Variants in GTPBP6 observed in about 807,000 individuals in gnomAD.
The protein encoded by GTPBP6 is putative GTP-binding protein 6.
In GTPBP6, 33 loss-of-function variants were observed where a neutral mutation model predicts 28.9. The ratio of observed to expected loss-of-function variants is 1.14; its 90% confidence interval spans 0.87 to 1.53. The LOEUF (loss-of-function observed/expected upper bound fraction) is 1.53. Ranked by LOEUF, GTPBP6 falls within the 40% of genes most tolerant of loss-of-function variation. The pLI is 0.00. For missense variants in GTPBP6, 507 were observed against 408.3 expected (o/e 1.24, Z -2.08); for synonymous variants, 231 against 192.7 (o/e 1.20, Z -1.65).
exon 1 of GTPBP6, chrX:318,538 G>A (rs1213073429): frequency 2.3e-5 from 9 of 398,340 alleles, no homozygotes; most frequent in Middle Eastern, 6.2e-4. Context: ...CCCCGCAGCA[G>A]CTCCTCCTCG....
intron 6 of GTPBP6, 111 bp from the exon 7 acceptor site, chrX:311,738 C>T: frequency 2.3e-6 from 2 of 861,876 alleles, no homozygotes; most frequent in South Asian, 1.4e-5. Context: ...GGGCCGCACC[C>T]CGGGCTACAC....
chrX:306,088 G>T (rs1036896589), intron 9 of GTPBP6, among the ~76,000 whole-genome samples: 9 of 152,246 alleles, frequency 5.9e-5, no homozygotes, highest in African/African-American at 2.2e-4. Context: ...TATTGGTAGG[G>T]AGACCTGTAC....
chrX:305,021 T>C, exon 10 of GTPBP6: 3 of 1,600,754 alleles, frequency 1.9e-6, no homozygotes, highest in Non-Finnish European at 2.6e-6. Context: ...CGGTAACGCC[T>C]CAGCTCCCCA....
chrX:305,914 C>T (rs188572050), intron 9 of GTPBP6, among the ~76,000 whole-genome samples: 222 of 152,146 alleles, frequency 1.5e-3, no homozygotes, highest in Middle Eastern at 3.4e-3. Flanking sequence ...GTGAGCCACC[C>T]CACCTGGGGT....
chrX:306,684 G>C (rs1203611960), intron 9 of GTPBP6, among the ~76,000 whole-genome samples: 4 of 145,380 alleles, frequency 2.8e-5, no homozygotes, highest in African/African-American at 1.0e-4. Flanking sequence ...TGTACATTTT[G>C]ACTGTCAGTG....
chrX:309,658 C>G (rs1035356964), intron 7 of GTPBP6, among the ~76,000 whole-genome samples: 10 of 151,844 alleles, frequency 6.6e-5, no homozygotes, highest in African/African-American at 2.2e-4. Flanking sequence ...TGGAGTGGTG[C>G]GGCCACAAGC....
intron 1 of GTPBP6, among the ~76,000 whole-genome samples, chrX:317,573 A>G (rs2070461190): frequency 6.1e-5 from 5 of 81,718 alleles, no homozygotes; most frequent in African/African-American, 1.3e-4. Flanking sequence ...GGGGGGTGGG[A>G]CTAGACACAG....
intron 2 of GTPBP6, 71 bp downstream of exon 2, chrX:316,843 C>G (rs2070448833): frequency 2.5e-6 from 1 of 398,816 alleles, no homozygotes; most frequent in South Asian, 1.3e-4. Flanking sequence ...CAGCATGTCT[C>G]GGTTGGATGT....
At chrX:305,186 T>G in exon 10 of GTPBP6, 1 of 1,613,360 alleles carries the variant, frequency 6.2e-7, no homozygotes, top group Non-Finnish European at 8.5e-7. Flanking sequence ...TGTGGCCTCC[T>G]TATACAGCCA....
At chrX:305,363 G>C (rs57496976) in intron 9 of GTPBP6, among the ~76,000 whole-genome samples, 166 bp from the exon 10 acceptor site, 8,250 of 144,820 alleles carry the variant, frequency 0.057, 714 homozygotes, top group African/African-American at 0.2. Context: ...ACTCTGTCGC[G>C]TAGGCTGGAG....
exon 7 of GTPBP6, chrX:311,625 T>G (rs771491880): frequency 4.3e-6 from 7 of 1,611,086 alleles, no homozygotes; most frequent in Non-Finnish European, 5.9e-6. Flanking sequence ...AGCGTGGTCT[T>G]TCCTAGGAGG....
exon 10 of GTPBP6, chrX:304,945 G>C: frequency 6.8e-7 from 1 of 1,477,772 alleles, no homozygotes; most frequent in Non-Finnish European, 9.0e-7. Flanking sequence ...GGCTGGGAGC[G>C]AGACGGGTGC....
intron 2 of GTPBP6, among the ~76,000 whole-genome samples, chrX:316,368 G>T (rs1309892147): frequency 8.9e-6 from 1 of 112,014 alleles, no homozygotes. Flanking sequence ...CACACACAGG[G>T]TGAACACATC....
At position 314,970 on chromosome X, in the gene GTPBP6, GA is replaced by G. The variant is rs2124472714; in HGVS notation, c.608del (p.Val203AlafsTer31). On this transcript the variant is annotated frameshift_variant, in exon 4 of 10. Coordinates refer to ENST00000326153, the Ensembl canonical transcript of GTPBP6. LOFTEE classifies it high-confidence loss of function. Reference sequence around the variant, plus strand: ...CGTTACAGCGGAAGATGTGCAGGACGACCGTGAAGCGGTCAAACACCTCCAC... The same window carrying G: ...CGTTACAGCGGAAGATGTGCAGGACGCCGTGAAGCGGTCAAACACCTCCAC... 2.5e-6 allele frequency: 1 copy of G among 398,696 alleles called. No individual in the cohort carries two copies. The highest frequency in any genetic ancestry group is 3.6e-5 in the East Asian group (1 of 28,066). The allele number at this position is 398,696 out of a possible 1,614,324, so 24.7% of individuals were successfully genotyped here. A position where few individuals can be genotyped will look rare whatever the true frequency, so the allele number is the denominator to read the frequency against.
chrX:317,815 C>T (rs1390501451), intron 1 of GTPBP6, among the ~76,000 whole-genome samples: 39 of 146,324 alleles, frequency 2.7e-4, no homozygotes, highest in African/African-American at 8.9e-4. Flanking sequence ...GCCCCTCCCC[C>T]GAAGCCCCGC....
At chrX:317,241 C>T (rs1225026560) in intron 1 of GTPBP6, among the ~76,000 whole-genome samples, 190 bp from the exon 2 acceptor site, 1 of 152,234 alleles carries the variant, frequency 6.6e-6, no homozygotes, top group South Asian at 2.1e-4. Context: ...AGAAGGACAC[C>T]GGAGCCACAG....
intron 5 of GTPBP6, among the ~76,000 whole-genome samples, chrX:313,538 T>TG (rs1489467444): frequency 6.6e-6 from 1 of 152,080 alleles, no homozygotes; most frequent in East Asian, 1.9e-4. Context: ...GTCCACATCC[T>TG]AATTCCCAGA....
intron 8 of GTPBP6, 73 bp from the exon 9 acceptor site, chrX:307,585 C>A: frequency 6.6e-7 from 1 of 1,524,162 alleles, no homozygotes. Flanking sequence ...CCCCAGGAGT[C>A]CACTGCCCAC....
intron 6 of GTPBP6, chrX:312,542 G>C: frequency 1.4e-6 from 1 of 699,634 alleles, no homozygotes; most frequent in Non-Finnish European, 2.6e-6. Flanking sequence ...CTTGGCTGCT[G>C]TACCCCACAC....
Sources: gnomAD v4.1 joint callset for allele counts (sites outside exome capture counted in the v4.1 genomes callset) on GRCh38, gnomAD v4.1.1 for gene constraint, MANE v1.5 for transcripts, NCBI Gene and HGNC (gene_info 2026-07-23, HGNC 2026-07-21) for gene names.